Variants in CCDC171 observed in about 807,000 individuals in gnomAD.
The protein encoded by CCDC171 is coiled-coil domain containing 171.
In CCDC171, 177 loss-of-function variants were observed where a neutral mutation model predicts 168.2. The ratio of observed to expected loss-of-function variants is 1.05; its 90% CI spans 0.93 to 1.19. The LOEUF (loss-of-function observed/expected upper bound fraction) is 1.19, where lower values mean the gene tolerates loss of function less well. Among genes scored for constraint, CCDC171 ranks in the 50% most tolerant of loss-of-function variants. The pLI, the probability that CCDC171 is intolerant of heterozygous loss-of-function variation, is 0.00. For synonymous variants in CCDC171, 687 were observed against 540.8 expected, an observed-to-expected ratio of 1.27 and a Z score of -3.75; for missense variants, 1,991 against 1,539.0, an observed-to-expected ratio of 1.29 and a Z score of -4.91.
At chr9:15,854,540 T>C (rs1310203551) in intron 23 of CCDC171, among the ~76,000 whole-genome samples, 1 of 151,598 alleles carries the variant, frequency 6.6e-6, no homozygotes, top group Non-Finnish European at 1.5e-5. Context: ...AACTTTTGGT[T>C]TCCTTGATTT....
chr9:15,945,197 A>G (rs1400117894), intron 25 of CCDC171, among the ~76,000 whole-genome samples: 2 of 150,516 alleles, frequency 1.3e-5, no homozygotes, highest in Non-Finnish European at 3.0e-5. Flanking sequence ...TGTCCCTACA[A>G]AGGACATGAA....
chr9:15,880,926 G>A (rs1818558941), intron 24 of CCDC171, among the ~76,000 whole-genome samples: 1 of 152,054 alleles, frequency 6.6e-6, no homozygotes, highest in Non-Finnish European at 1.5e-5. Context: ...CAATTAGCTG[G>A]CAAAGTCATA....
intron 18 of CCDC171, among the ~76,000 whole-genome samples, 189 bp from the exon 19 acceptor site, chr9:15,777,411 A>G (rs569562067): frequency 6.6e-6 from 1 of 152,190 alleles, no homozygotes; most frequent in Non-Finnish European, 1.5e-5. Flanking sequence ...ATTCTTTAGT[A>G]GGTGAGCTAT....
At chr9:15,621,690 G>C (rs111957584) in intron 6 of CCDC171, among the ~76,000 whole-genome samples, 3,345 of 152,294 alleles carry the variant, frequency 0.022, 64 homozygotes, top group Middle Eastern at 0.041. Flanking sequence ...AGGAATGTAA[G>C]TTCATTCAAC....
chr9:15,644,648 G>C (rs189541049), intron 7 of CCDC171, among the ~76,000 whole-genome samples: 118 of 152,344 alleles, frequency 7.7e-4, no homozygotes, highest in Non-Finnish European at 8.5e-4. Context: ...CTTATTGCTA[G>C]CACAGCAGTC....
At chr9:16,064,024 T>C (rs1370546159), downstream of CCDC171, among the ~76,000 whole-genome samples, 2 of 152,160 alleles carry the variant, frequency 1.3e-5, no homozygotes, top group Non-Finnish European at 2.9e-5. Flanking sequence ...AAATCCTTTT[T>C]CCACAGTGAA....
intron 7 of CCDC171, among the ~76,000 whole-genome samples, chr9:15,652,172 A>G (rs978535526): frequency 2.0e-5 from 3 of 152,172 alleles, no homozygotes; most frequent in African/African-American, 7.2e-5. Flanking sequence ...TTTTTAGCTC[A>G]TATATTTAGG....
chr9:15,917,148 T>TTACTGTATACTTTGTA (rs1231002640), intron 24 of CCDC171, among the ~76,000 whole-genome samples: 7 of 151,934 alleles, frequency 4.6e-5, no homozygotes, highest in Non-Finnish European at 1.0e-4. Context: ...TTGGTATGCT[T>TTACTGTATACTTTGTA]TACTGTATAG....
intron 3 of CCDC171, among the ~76,000 whole-genome samples, chr9:16,010,475 T>C (rs1832839549): frequency 1.3e-5 from 2 of 152,052 alleles, no homozygotes; most frequent in African/African-American, 4.8e-5. Flanking sequence ...TGTGTCTCTC[T>C]GGAATCAGTG....
At chr9:16,089,496 T>A in the CCDC171 span, among the ~76,000 whole-genome samples, 4 of 151,126 alleles carry the variant, frequency 2.6e-5, no homozygotes, top group African/African-American at 9.7e-5. Flanking sequence ...TCTTCTAGAG[T>A]TTTTATGGTT....
chr9:15,761,995 A>G (rs1034414063), intron 18 of CCDC171, among the ~76,000 whole-genome samples: 3 of 152,128 alleles, frequency 2.0e-5, no homozygotes, highest in African/African-American at 2.4e-5. Flanking sequence ...AGTGTTCACA[A>G]CTATGCAAAA....
chr9:15,896,465 A>G (rs898398417), intron 24 of CCDC171, among the ~76,000 whole-genome samples: 2 of 152,054 alleles, frequency 1.3e-5, no homozygotes, highest in Admixed American at 6.6e-5. Context: ...AGTCAAGTCC[A>G]GGGCCATTTC....
At chr9:15,590,378 A>G (rs529435042) in intron 4 of CCDC171, among the ~76,000 whole-genome samples, 1 of 152,366 alleles carries the variant, frequency 6.6e-6, no homozygotes, top group East Asian at 1.9e-4. Context: ...TTATCTTCAC[A>G]AAAACTTAAC....
chr9:15,632,903 G>T (rs957594563), intron 7 of CCDC171, among the ~76,000 whole-genome samples: 1 of 152,038 alleles, frequency 6.6e-6, no homozygotes, highest in African/African-American at 2.4e-5. Flanking sequence ...ACAAACCTGA[G>T]AAAAACAAGC....
At chr9:15,796,791 A>C (rs2058577950) in intron 21 of CCDC171, among the ~76,000 whole-genome samples, 1 of 152,190 alleles carries the variant, frequency 6.6e-6, no homozygotes, top group South Asian at 2.1e-4. Context: ...GGCAGGGTGC[A>C]AGATGGGCCA....
chr9:15,902,923 C>G (rs1821926883), intron 24 of CCDC171, among the ~76,000 whole-genome samples: 1 of 152,162 alleles, frequency 6.6e-6, no homozygotes, highest in Admixed American at 6.5e-5. Flanking sequence ...ACCCACGGAG[C>G]CTCACTCATT....
intron 3 of CCDC171, among the ~76,000 whole-genome samples, chr9:16,018,197 T>C (rs890948335): frequency 3.9e-5 from 6 of 152,186 alleles, no homozygotes; most frequent in African/African-American, 1.4e-4. Flanking sequence ...AGATGAATTG[T>C]CAATTTTTAA....
chr9:15,629,125 T>A (rs2045448313), intron 7 of CCDC171, among the ~76,000 whole-genome samples: 1 of 151,896 alleles, frequency 6.6e-6, no homozygotes, highest in Admixed American at 6.6e-5. Flanking sequence ...GCAGAGCGCC[T>A]CTCCTCCTCC....
the CCDC171 span, among the ~76,000 whole-genome samples, chr9:16,089,135 T>G: frequency 6.6e-6 from 1 of 152,052 alleles, no homozygotes; most frequent in African/African-American, 2.4e-5. Flanking sequence ...TAATAAATGG[T>G]GTTGGGAAAA....
Sources: gnomAD v4.1 joint callset for allele counts (sites outside exome capture counted in the v4.1 genomes callset) on GRCh38, gnomAD v4.1.1 for gene constraint, MANE v1.5 for transcripts, NCBI Gene and HGNC (gene_info 2026-07-23, HGNC 2026-07-21) for gene names.